CALN1: variants seen among roughly 807,000 people sequenced by gnomAD.
The protein encoded by CALN1 is calneuron 1.
A neutral mutation model predicts 30.6 loss-of-function variants in CALN1; 17 were observed. The ratio of observed to expected loss-of-function variants is 0.56; its 90% CI spans 0.38 to 0.83. The LOEUF is 0.83. Ranked by LOEUF, CALN1 falls within the 40% of genes least tolerant of loss-of-function variation. CALN1 has a pLI of 0.00. For missense variants in CALN1, 291 were observed against 354.9 expected (o/e 0.82, Z 1.45); for synonymous variants, 156 against 131.4 (o/e 1.19, Z -1.28).
At chr7:72,095,668 T>A (rs1210017879) in intron 4 of CALN1, among the ~76,000 whole-genome samples, 2 of 152,134 alleles carry the variant, frequency 1.3e-5, no homozygotes, top group East Asian at 3.9e-4. Context: ...TTTCCATTTG[T>A]CAAAGTGTGC....
At chr7:72,400,244 C>T (rs533232002) in intron 2 of CALN1, among the ~76,000 whole-genome samples, 1 of 152,226 alleles carries the variant, frequency 6.6e-6, no homozygotes, top group South Asian at 2.1e-4. Context: ...TGCATCTGAC[C>T]CTCTTCTCTT....
intron 3 of CALN1, among the ~76,000 whole-genome samples, chr7:72,251,950 G>T (rs1188125666): frequency 6.6e-6 from 1 of 152,086 alleles, no homozygotes; most frequent in Non-Finnish European, 1.5e-5. Context: ...TAAAAATATA[G>T]ATTAAGAATT....
At chr7:71,900,103 G>A (rs1793767761) in intron 5 of CALN1, among the ~76,000 whole-genome samples, 2 of 152,028 alleles carry the variant, frequency 1.3e-5, no homozygotes, top group Non-Finnish European at 2.9e-5. Flanking sequence ...AAAATACAAA[G>A]GAAAACTTGC....
intron 5 of CALN1, among the ~76,000 whole-genome samples, chr7:71,987,400 A>T (rs1798731658): frequency 6.6e-6 from 1 of 152,188 alleles, no homozygotes; most frequent in Admixed American, 6.5e-5. Context: ...GGGGTGGGCT[A>T]GGCAGTCTGC....
At chr7:71,834,786 T>C (rs1752212611) in intron 5 of CALN1, among the ~76,000 whole-genome samples, 1 of 152,152 alleles carries the variant, frequency 6.6e-6, no homozygotes, top group Non-Finnish European at 1.5e-5. Flanking sequence ...CCATAGTCAC[T>C]GGGGCACATA....
rs746393698 is a variant in CALN1, at chr7:71,847,847, G to GAGAAGGAGAAGAAGAAGA, written c.502-37356_502-37355insTCTTCTTCTTCTCCTTCT. On this transcript the variant is annotated intron_variant, in intron 5 of 6. Coordinates refer to ENST00000395275, the MANE Select transcript of CALN1 (RefSeq NM_031468.4). The stretch of plus-strand genomic sequence containing the variant: ...GGAGAAGGAGAAGGAGAAGGAGAAG[G>GAGAAGGAGAAGAAGAAGA]AGAAGAAGAAGAGGAAAGTTTTCCC... Among the ~76,000 whole-genome samples, 82 of 134,894 alleles carry GAGAAGGAGAAGAAGAAGA rather than the reference G, an allele frequency of 6.1e-4. 1 individual carries two copies. Among genetic ancestry groups the GAGAAGGAGAAGAAGAAGA allele is most frequent in the African/African-American group, 2.4e-3 (81 of 34,306 alleles). 88.5% of individuals were successfully genotyped at this position (134,894 alleles called of 152,430 possible).
intron 5 of CALN1, among the ~76,000 whole-genome samples, chr7:71,862,549 T>A (rs897503483): frequency 6.6e-6 from 1 of 152,206 alleles, no homozygotes; most frequent in South Asian, 2.1e-4. Flanking sequence ...CATGTGGAAC[T>A]GTGAGTCTAT....
At chr7:71,845,399 G>A (rs1446316060) in intron 5 of CALN1, among the ~76,000 whole-genome samples, 1 of 152,186 alleles carries the variant, frequency 6.6e-6, no homozygotes, top group African/African-American at 2.4e-5. Context: ...TTTAGGTGTG[G>A]TCTGTGTGTT....
the CALN1 span, among the ~76,000 whole-genome samples, chr7:72,453,266 C>T: frequency 3.9e-5 from 6 of 152,338 alleles, no homozygotes; most frequent in South Asian, 2.1e-4. Context: ...GTTATAGCTC[C>T]GTGACTGCTC....
At chr7:72,425,303 A>G (rs985861979) in intron 1 of CALN1, among the ~76,000 whole-genome samples, 7 of 152,098 alleles carry the variant, frequency 4.6e-5, no homozygotes, top group African/African-American at 1.7e-4. Context: ...TAGTAGAGAC[A>G]AGGTTTCACC....
At chr7:72,136,820 A>G (rs1809543686) in intron 3 of CALN1, among the ~76,000 whole-genome samples, 1 of 152,218 alleles carries the variant, frequency 6.6e-6, no homozygotes, top group African/African-American at 2.4e-5. Context: ...AGAGGGAGAC[A>G]GATAGGGAAG....
At chr7:72,134,120 C>T (rs1014208081) in intron 3 of CALN1, among the ~76,000 whole-genome samples, 1 of 152,140 alleles carries the variant, frequency 6.6e-6, no homozygotes, top group Non-Finnish European at 1.5e-5. Context: ...CCTTTTTGCT[C>T]TTCTGTTCTT....
chr7:71,971,631 C>T (rs932537877), intron 5 of CALN1, among the ~76,000 whole-genome samples: 4 of 151,938 alleles, frequency 2.6e-5, no homozygotes, highest in Non-Finnish European at 2.9e-5. Context: ...TGTATGATGG[C>T]TCACACCTGT....
chr7:72,458,935 G>C, the CALN1 span, among the ~76,000 whole-genome samples: 3 of 147,624 alleles, frequency 2.0e-5, no homozygotes, highest in African/African-American at 7.5e-5. Flanking sequence ...TTTTGAGACA[G>C]AGTCTTACTC....
intron 2 of CALN1, among the ~76,000 whole-genome samples, chr7:72,296,985 C>T (rs1798908980): frequency 6.6e-6 from 1 of 151,474 alleles, no homozygotes; most frequent in Non-Finnish European, 1.5e-5. Context: ...AATGTGTTTG[C>T]TCTTGCTTTT....
intron 3 of CALN1, among the ~76,000 whole-genome samples, chr7:72,130,454 G>A (rs992439522): frequency 5.3e-5 from 8 of 152,128 alleles, no homozygotes; most frequent in African/African-American, 1.2e-4. Flanking sequence ...TAGATGGGTC[G>A]GTGGTATAGT....
intron 2 of CALN1, among the ~76,000 whole-genome samples, chr7:72,395,837 G>A (rs2129561674): frequency 6.6e-6 from 1 of 152,240 alleles, no homozygotes; most frequent in Middle Eastern, 3.4e-3. Flanking sequence ...TCCTCCCCCT[G>A]GGGACTTCTG....
chr7:72,189,871 C>A (rs971426690), intron 3 of CALN1, among the ~76,000 whole-genome samples: 2 of 151,778 alleles, frequency 1.3e-5, no homozygotes, highest in Non-Finnish European at 2.9e-5. Context: ...TTCCTAGCTT[C>A]TTTACTGGGG....
chr7:71,992,565 C>T (rs1028693658), intron 5 of CALN1, among the ~76,000 whole-genome samples: 10 of 152,078 alleles, frequency 6.6e-5, no homozygotes, highest in African/African-American at 1.9e-4. Context: ...CCTATGTTGC[C>T]CAGGTTTGTC....
Sources: allele counts gnomAD v4.1 joint callset (sites outside exome capture counted in the v4.1 genomes callset), GRCh38; gene constraint gnomAD v4.1.1; transcripts MANE v1.5; gene names NCBI Gene and HGNC (gene_info 2026-07-23, HGNC 2026-07-21).